Variants in LRRTM3 observed in about 807,000 individuals in gnomAD.
The protein encoded by LRRTM3 is leucine rich repeat transmembrane neuronal 3, also known as leucine-rich repeat transmembrane neuronal protein 3.
A neutral mutation model predicts 44.7 loss-of-function variants in LRRTM3; 24 were observed. That is an observed-to-expected ratio of 0.54 (90% CI 0.39 to 0.76). The LOEUF (loss-of-function observed/expected upper bound fraction) is 0.76, where lower values mean the gene tolerates loss of function less well. Ranked by LOEUF, LRRTM3 falls within the 30% of genes least tolerant of loss-of-function variation. LRRTM3 has a pLI of 0.00. For missense variants in LRRTM3, 587 were observed against 702.2 expected (o/e 0.84, Z 1.85); for synonymous variants, 277 against 278.7 (o/e 0.99, Z 0.06).
At chr10:66,990,467 G>A (rs893162277) in intron 2 of LRRTM3, among the ~76,000 whole-genome samples, 1 of 152,162 alleles carries the variant, frequency 6.6e-6, no homozygotes, top group Non-Finnish European at 1.5e-5. Context: ...TATTATTCCA[G>A]GGATGTTTGC....
intron 2 of LRRTM3, among the ~76,000 whole-genome samples, chr10:67,038,151 A>G (rs773255229): frequency 1.3e-5 from 2 of 152,130 alleles, no homozygotes; most frequent in Non-Finnish European, 2.9e-5. Flanking sequence ...GCAAGTTATT[A>G]TATTTATAAA....
At chr10:67,057,950 A>C (rs907126941) in intron 2 of LRRTM3, among the ~76,000 whole-genome samples, 6 of 152,128 alleles carry the variant, frequency 3.9e-5, no homozygotes, top group African/African-American at 1.4e-4. Context: ...TGCAGAAGTG[A>C]TTTCCTATAA....
intron 2 of LRRTM3, chr10:67,012,885 A>T (rs1373544508): frequency 6.6e-6 from 1 of 152,140 alleles, no homozygotes; most frequent in Non-Finnish European, 1.5e-5. Flanking sequence ...AGCTCCATGA[A>T]CATAAAGCAA....
intron 2 of LRRTM3, among the ~76,000 whole-genome samples, chr10:66,958,470 T>A (rs55998014): frequency 0.81 from 120,559 of 149,644 alleles, 48,023 homozygotes; most frequent in South Asian, 0.92. Flanking sequence ...CTTTTTTTTT[T>A]AAAAAAAATA....
intron 2 of LRRTM3, among the ~76,000 whole-genome samples, chr10:67,048,985 C>G (rs1333205639): frequency 6.7e-6 from 1 of 148,186 alleles, no homozygotes; most frequent in East Asian, 2.0e-4. Flanking sequence ...ATTTTATTTT[C>G]TTTTAACATA....
chr10:66,985,103 CT>C (rs1370686395), intron 2 of LRRTM3, among the ~76,000 whole-genome samples: 2 of 152,092 alleles, frequency 1.3e-5, no homozygotes, highest in Non-Finnish European at 2.9e-5. Flanking sequence ...AGATATTTTC[CT>C]TATGGCTGCC....
chr10:67,022,983 A>C (rs974082691), intron 2 of LRRTM3, among the ~76,000 whole-genome samples: 4 of 152,118 alleles, frequency 2.6e-5, no homozygotes, highest in Admixed American at 1.3e-4. Context: ...AAATTTTCTG[A>C]GTGAAATTTA....
chr10:67,092,883 G>A (rs561427353), intron 2 of LRRTM3, among the ~76,000 whole-genome samples: 6 of 151,926 alleles, frequency 3.9e-5, no homozygotes, highest in Admixed American at 3.9e-4. Context: ...TATTCCTAAG[G>A]GAATTTCCTA....
At chr10:66,995,720 T>G (rs535684767) in intron 2 of LRRTM3, among the ~76,000 whole-genome samples, 1 of 152,206 alleles carries the variant, frequency 6.6e-6, no homozygotes, top group Non-Finnish European at 1.5e-5. Flanking sequence ...TTGCTTACAC[T>G]GCTCCTTCTG....
chr10:67,020,944 G>C (rs1015076153), intron 2 of LRRTM3, among the ~76,000 whole-genome samples: 1 of 152,172 alleles, frequency 6.6e-6, no homozygotes, highest in Non-Finnish European at 1.5e-5. Flanking sequence ...CCGGAAGATA[G>C]TGTGAGAAAA....
At chr10:67,084,051 G>A (rs1160723811) in intron 2 of LRRTM3, among the ~76,000 whole-genome samples, 1 of 152,060 alleles carries the variant, frequency 6.6e-6, no homozygotes, top group African/African-American at 2.4e-5. Context: ...CAGGGAGAAG[G>A]TAGGATCAGG....
intron 2 of LRRTM3, among the ~76,000 whole-genome samples, chr10:66,968,143 C>A (rs1849535230): frequency 6.6e-6 from 1 of 151,960 alleles, no homozygotes; most frequent in Non-Finnish European, 1.5e-5. Context: ...ACAAAATCCA[C>A]AGAATTTATT....
In LRRTM3 at chr10:67,042,896, T is replaced by C. The variant is rs540702701; in HGVS notation, c.1537-54691T>C. ...GGCAATAGACCAGAGGGTTTAACTA[T>C]ATTTCCTGTAACAAATTTGAATATA... On this transcript the variant is annotated intron_variant, in intron 2 of 2. Transcript: ENST00000361320. Among the ~76,000 whole-genome samples, 5 of 152,134 alleles carry C rather than the reference T, an allele frequency of 3.3e-5. No homozygotes were observed. In the South Asian group the frequency reaches 8.3e-4, roughly 25 times the overall value.
chr10:66,965,257 C>T lies in LRRTM3; in HGVS notation c.1536+36805C>T, dbSNP rs1339363419. Reference sequence around the variant, plus strand: ...GTTTTTTTGTTTGTTTGTTTTTTGGCTCGGCATGGTGGCTCATGCCTGTAA... The same window carrying T: ...GTTTTTTTGTTTGTTTGTTTTTTGGTTCGGCATGGTGGCTCATGCCTGTAA... On this transcript the variant is annotated intron_variant, in intron 2 of 2. Transcript: ENST00000361320. Among the ~76,000 whole-genome samples, 7 of 152,126 alleles carry T rather than the reference C, an allele frequency of 4.6e-5. No individual in the cohort carries two copies. In the East Asian group the frequency reaches 1.4e-3, roughly 29 times the overall value.
At chr10:66,943,544 T>C (rs1283797876) in intron 2 of LRRTM3, among the ~76,000 whole-genome samples, 1 of 151,906 alleles carries the variant, frequency 6.6e-6, no homozygotes, top group East Asian at 1.9e-4. Context: ...AGTATTAGCA[T>C]TGGCTTCCAG....
Position 67,097,853 on chromosome 10 carries a change from TGAG to T in LRRTM3, c.*60_*62del. ...AAACTTTGTAACCTCAAGGACAAAATGAGGAAGATGTGTTCATTGTGGACTCTA... is the reference window on the plus strand; with the variant it reads ...AAACTTTGTAACCTCAAGGACAAAATGAAGATGTGTTCATTGTGGACTCTA... On this transcript the variant is annotated 3_prime_UTR_variant, in exon 3 of 3. Transcript: ENST00000361320. The T allele has an allele frequency of 6.7e-7, 1 of 1,486,378 alleles. No individual in the cohort carries two copies. Among genetic ancestry groups the T allele is most frequent in the Non-Finnish European group, 9.4e-7 (1 of 1,066,890 alleles). 92.1% of individuals were successfully genotyped at this position (1,486,378 alleles called of 1,614,324 possible).
chr10:67,038,460 C>T (rs563633236), intron 2 of LRRTM3, among the ~76,000 whole-genome samples: 231 of 152,060 alleles, frequency 1.5e-3, no homozygotes, highest in Admixed American at 2.4e-3. Flanking sequence ...ATTAGAAAAT[C>T]CTAGGCTACT....
chr10:66,984,896 CT>C (rs955701980), intron 2 of LRRTM3, among the ~76,000 whole-genome samples: 16 of 151,276 alleles, frequency 1.1e-4, no homozygotes, highest in South Asian at 8.4e-4. Flanking sequence ...TGTTTTGGTG[CT>C]TTTTTTTTGT....
At chr10:67,081,985 A>T (rs1410449380) in intron 2 of LRRTM3, among the ~76,000 whole-genome samples, 1 of 152,198 alleles carries the variant, frequency 6.6e-6, no homozygotes, top group Non-Finnish European at 1.5e-5. Context: ...AATTACCAGC[A>T]CATAACACAG....
Sources: allele counts gnomAD v4.1 joint callset (sites outside exome capture counted in the v4.1 genomes callset), GRCh38; gene constraint gnomAD v4.1.1; transcripts MANE v1.5; gene names NCBI Gene and HGNC (gene_info 2026-07-23, HGNC 2026-07-21).